PRDM16: variants seen among roughly 807,000 people sequenced by gnomAD.
PRDM16 encodes the protein PR/SET domain 16.
PRDM16 carries 23 observed loss-of-function variants against 110.6 expected under a neutral mutation model. The ratio of observed to expected loss-of-function variants is 0.21; its 90% CI spans 0.15 to 0.29. PRDM16 has a LOEUF of 0.29. Ranked by LOEUF, PRDM16 falls within the 10% of genes least tolerant of loss-of-function variation. The pLI is 1.00. For missense variants in PRDM16, 1,615 were observed against 1,794.3 expected (o/e 0.90, Z 1.81); for synonymous variants, 799 against 781.8 (o/e 1.02, Z -0.37).
chr1:3,125,702 T>C (rs1643190039), intron 1 of PRDM16, among the ~76,000 whole-genome samples: 1 of 152,244 alleles, frequency 6.6e-6, no homozygotes, highest in Non-Finnish European at 1.5e-5. Context: ...CCGTGTTTGC[T>C]GTCGGTCACG....
chr1:3,190,026 C>T lies in PRDM16; in HGVS notation c.387+3552C>T, dbSNP rs187347729. On this transcript the variant is annotated intron_variant, in intron 2 of 16. Coordinates refer to ENST00000270722, the MANE Select transcript of PRDM16 (RefSeq NM_022114.4). This position sits in a 1 kb window ranked among gnomAD's most constrained non-coding sequence, Gnocchi z 5.0. ...AAGAGACACAGTGCCAGGCAACCCT[C>T]GGCTTTGGGATGACTGGGGAGGGTC... Among the ~76,000 whole-genome samples the T allele has an allele frequency of 3.3e-5, 5 of 152,316 alleles. No individual in the cohort carries two copies. The highest frequency in any genetic ancestry group is 6.5e-5 in the Admixed American group (1 of 15,300).
chr1:3,356,350 T>A (rs1277223918), intron 3 of PRDM16, among the ~76,000 whole-genome samples: 1 of 152,174 alleles, frequency 6.6e-6, no homozygotes, highest in Non-Finnish European at 1.5e-5. Flanking sequence ...TGCATGACCG[T>A]CTGCTCAGGA....
intron 1 of PRDM16, among the ~76,000 whole-genome samples, chr1:3,085,560 C>T (rs540310786): frequency 8.5e-4 from 129 of 152,362 alleles, no homozygotes; most frequent in African/African-American, 2.6e-3. Context: ...TGAGTGACCC[C>T]GGCTCCTCCT....
At chr1:3,240,519 G>C (rs1639645241) in intron 2 of PRDM16, among the ~76,000 whole-genome samples, 1 of 152,180 alleles carries the variant, frequency 6.6e-6, no homozygotes, top group Non-Finnish European at 1.5e-5. Flanking sequence ...GCGGAGTGTT[G>C]GGGTCCCTCA....
chr1:3,429,592 G>A (rs937666624), intron 14 of PRDM16, among the ~76,000 whole-genome samples: 4 of 152,166 alleles, frequency 2.6e-5, no homozygotes, highest in Admixed American at 6.5e-5. Flanking sequence ...AACCCCACCC[G>A]AGGGCACCTC....
rs528940383 is a variant in PRDM16 at position 3,370,037 on chromosome 1, A to G, written c.439-15115A>G. On this transcript the variant is annotated intron_variant, in intron 3 of 16. Transcript: ENST00000270722. This position sits in a 1 kb window ranked among gnomAD's most constrained non-coding sequence, Gnocchi z 4.8. ...AAGAAAGAAGGATGGGCTCGGAGAG[A>G]CTGAGTCAGCTGCAGGGAAGGCACT... Among the ~76,000 whole-genome samples, 1 of 152,202 alleles carries G rather than the reference A, an allele frequency of 6.6e-6. No homozygotes were observed. Among genetic ancestry groups the G allele is most frequent in the African/African-American group, 2.4e-5 (1 of 41,532 alleles).
chr1:3,424,265 CT>C (rs1452898738), intron 12 of PRDM16, among the ~76,000 whole-genome samples: 1 of 152,240 alleles, frequency 6.6e-6, no homozygotes, highest in Non-Finnish European at 1.5e-5. Context: ...CTCAGGCCCC[CT>C]AGTTCTCAGC....
At position 3,240,013 on chromosome 1, in the gene PRDM16, GGA is replaced by G. The variant is rs1369169540; in HGVS notation, c.388-4063_388-4062del. ...GAAAAGAGAGAGAGGAAGGAAAGAT[GGA>G]GAGAGAGAGAAGAGGAGAGGAGAAG... On this transcript the variant is annotated intron_variant, in intron 2 of 16. Transcript: ENST00000270722. Among the ~76,000 whole-genome samples the G allele has an allele frequency of 3.6e-5, 5 of 138,926 alleles. No individual in the cohort carries two copies. In the East Asian group the frequency reaches 6.5e-4, roughly 18 times the overall value. The allele number at this position is 138,926 out of a possible 152,430, so 91.1% of individuals were successfully genotyped here.
chr1:3,257,741 A>C (rs1243716846), intron 3 of PRDM16, among the ~76,000 whole-genome samples: 2 of 152,164 alleles, frequency 1.3e-5, no homozygotes, highest in Non-Finnish European at 2.9e-5. Flanking sequence ...CTGGCGTTTG[A>C]AGACACTTCT....
chr1:3,304,992 C>A (rs1344176840), intron 3 of PRDM16, among the ~76,000 whole-genome samples: 2 of 152,174 alleles, frequency 1.3e-5, no homozygotes, highest in Non-Finnish European at 2.9e-5. Flanking sequence ...AGTGCTCTGC[C>A]CTCCTGTGCA....
chr1:3,411,008 C>A (rs1430816156), intron 8 of PRDM16, among the ~76,000 whole-genome samples: 1 of 152,180 alleles, frequency 6.6e-6, no homozygotes, highest in Non-Finnish European at 1.5e-5. Context: ...GCCCCCCGAT[C>A]TGTGCTGGTC....
intron 1 of PRDM16, among the ~76,000 whole-genome samples, chr1:3,088,702 A>G (rs1642206562): frequency 6.6e-6 from 1 of 151,136 alleles, no homozygotes; most frequent in African/African-American, 2.4e-5. Context: ...TCCTGATCTC[A>G]GCCTCTCAGA....
At chr1:3,287,226 A>C (rs990439420) in intron 3 of PRDM16, among the ~76,000 whole-genome samples, 2 of 149,772 alleles carry the variant, frequency 1.3e-5, no homozygotes, top group Admixed American at 6.6e-5. Flanking sequence ...TCCACTTCCC[A>C]GCCACGCGGG....
intron 3 of PRDM16, among the ~76,000 whole-genome samples, chr1:3,292,494 G>A (rs142411816): frequency 2.8e-4 from 43 of 152,358 alleles, no homozygotes; most frequent in African/African-American, 9.1e-4. Context: ...ATCTGGGGCC[G>A]CAGCGTCCCC....
intron 1 of PRDM16, among the ~76,000 whole-genome samples, chr1:3,119,197 C>CG (rs1643036214): frequency 2.6e-5 from 4 of 152,204 alleles, no homozygotes; most frequent in Admixed American, 2.6e-4. Flanking sequence ...AGAGCCTGGC[C>CG]ATTTGCTTTC....
chr1:3,436,934 GCCT>G lies in PRDM16; in HGVS notation c.*3128_*3130del, dbSNP rs1638925645. 8.6e-6 allele frequency: 2 copies of G among 232,828 alleles called. No homozygotes were observed. Among genetic ancestry groups the G allele is most frequent in the Non-Finnish European group, 1.7e-5 (2 of 118,036 alleles). The allele number at this position is 232,828 out of a possible 1,614,324, so 14.4% of individuals were successfully genotyped here. A position where few individuals can be genotyped will look rare whatever the true frequency, so the allele number is the denominator to read the frequency against. On this transcript the variant is annotated 3_prime_UTR_variant, in exon 17 of 17. Transcript: ENST00000270722. Reference sequence around the variant, plus strand: ...CCCCCAAATGGAAATTCCGAAGGAGGCCTCCTCGCACCTGCCCTCCGCTGCTCC... The same window carrying G: ...CCCCCAAATGGAAATTCCGAAGGAGGCCTCGCACCTGCCCTCCGCTGCTCC...
chr1:3,090,166 T>C (rs1642243486), intron 1 of PRDM16, among the ~76,000 whole-genome samples: 1 of 152,198 alleles, frequency 6.6e-6, no homozygotes, highest in African/African-American at 2.4e-5. Flanking sequence ...CCAGCAAGCT[T>C]CTTGATGCCC....
At chr1:3,373,811 C>A (rs1329516296) in intron 3 of PRDM16, among the ~76,000 whole-genome samples, 1 of 152,264 alleles carries the variant, frequency 6.6e-6, no homozygotes, top group African/African-American at 2.4e-5. Flanking sequence ...TGCTGCCCTC[C>A]CTGCCATCCC....
rs1158405376 is a variant in PRDM16, at chr1:3,437,787, G to C, written c.*3976G>C. ...AATAAATAAATAAAAGGCAGCTTGA[G>C]TTTCCAAACGTGTGATTCACTTGTG... On this transcript the variant is annotated 3_prime_UTR_variant, in exon 17 of 17. Transcript: ENST00000270722. The C allele has an allele frequency of 1.4e-5, 3 of 218,828 alleles. No individual in the cohort carries two copies. The highest frequency in any genetic ancestry group is 2.2e-5 in the African/African-American group (1 of 44,500). 13.6% of individuals were successfully genotyped at this position (218,828 alleles called of 1,614,324 possible). A position where few individuals can be genotyped will look rare whatever the true frequency, so the allele number is the denominator to read the frequency against.
Sources: allele counts gnomAD v4.1 joint callset (sites outside exome capture counted in the v4.1 genomes callset), GRCh38; gene constraint gnomAD v4.1.1; non-coding constraint Gnocchi (gnomAD v3.1); transcripts MANE v1.5; gene names NCBI Gene and HGNC (gene_info 2026-07-23, HGNC 2026-07-21).